The following ROBO1 variants were observed in gnomAD, a reference collection of about 807,000 sequenced individuals.
The protein encoded by ROBO1 is roundabout guidance receptor 1.
ROBO1 carries 149 observed loss-of-function variants against 195.9 expected under a neutral mutation model. That is an observed-to-expected ratio of 0.76 (90% CI 0.67 to 0.87). The LOEUF is 0.87. ROBO1 is among the 40% of genes least tolerant of loss of function. The pLI is 0.00. For missense variants in ROBO1, 1,933 were observed against 2,068.3 expected (o/e 0.93, Z 1.27); for synonymous variants, 816 against 733.2 (o/e 1.11, Z -1.82).
In ROBO1 at chr3:78,617,817, G is replaced by C. The variant is rs1575783289; in HGVS notation, c.4100C>G (p.Thr1367Arg). Residue 1367 changes from threonine (T) to arginine (R), a missense_variant, in exon 27 of 31, where the codon ACG (threonine) becomes AGG (arginine). Coordinates refer to ENST00000464233, the MANE Select transcript of ROBO1 (RefSeq NM_002941.4). ...SSVGDLESSV[T>R]GSMINGWGSA... ...GCCCCAGCCGTTGATCATGGACCCC[G>C]TGACAGAGCTCTCCAGGTCCCCAAC... 6.2e-7 allele frequency: 1 copy of C among 1,613,762 alleles called. No individual in the cohort carries two copies.
At chr3:79,518,050 A>T (rs555038349) in intron 2 of ROBO1, among the ~76,000 whole-genome samples, 1 of 152,284 alleles carries the variant, frequency 6.6e-6, no homozygotes, top group Non-Finnish European at 1.5e-5. Flanking sequence ...TGGAGCTTGC[A>T]TTGCTGTCTG....
intron 2 of ROBO1, among the ~76,000 whole-genome samples, chr3:79,256,099 TTGAC>T (rs2082828414): frequency 6.6e-6 from 1 of 152,214 alleles, no homozygotes; most frequent in Admixed American, 6.5e-5. Context: ...TTTTGTTTGT[TTGAC>T]TGGCTTTTTC....
At chr3:78,679,103 A>G (rs1306889833) in intron 10 of ROBO1, among the ~76,000 whole-genome samples, 1 of 152,218 alleles carries the variant, frequency 6.6e-6, no homozygotes, top group African/African-American at 2.4e-5. Context: ...GATGCAGAAA[A>G]GACCTTTGAC....
rs4563375 is a variant in ROBO1 at position 79,403,354 on chromosome 3, A to G, written c.88+186470T>C. ...AAAGTGTTAAACAAATTCAAAGAAA[A>G]AAAGTGGCTACTTGGGCAGGGATTT... On this transcript the variant is annotated intron_variant, in intron 2 of 30. Coordinates refer to ENST00000464233, the MANE Select transcript of ROBO1 (RefSeq NM_002941.4). Among the ~76,000 whole-genome samples the G allele has an allele frequency of 8.5e-5, 13 of 152,168 alleles. No individual in the cohort carries two copies. In the East Asian group the frequency reaches 2.5e-3, roughly 29 times the overall value.
Position 79,593,783 on chromosome 3 carries a change from T to A in ROBO1, c.-50-3822A>T, listed in dbSNP as rs188108028. On this transcript the variant is annotated intron_variant, in intron 1 of 30. Coordinates refer to ENST00000464233, the MANE Select transcript of ROBO1 (RefSeq NM_002941.4). Reference sequence around the variant, plus strand: ...GTACCACAACGCCTGGCTAATTTTTTAAATATTTTTTTTGGTAGAGACAGG... The same window carrying A: ...GTACCACAACGCCTGGCTAATTTTTAAAATATTTTTTTTGGTAGAGACAGG... Among the ~76,000 whole-genome samples, 136 of 151,904 alleles carry A rather than the reference T, an allele frequency of 9.0e-4. 2 individuals carry two copies. The highest frequency in any genetic ancestry group is 2.4e-3 in the Admixed American group (37 of 15,216).
intron 3 of ROBO1, among the ~76,000 whole-genome samples, chr3:78,974,366 T>C (rs1475134255): frequency 4.6e-5 from 7 of 152,144 alleles, no homozygotes; most frequent in Admixed American, 2.0e-4. Flanking sequence ...ACACTTTTCT[T>C]GATGGAATGT....
At chr3:79,271,620 A>G (rs778103277) in intron 2 of ROBO1, among the ~76,000 whole-genome samples, 16 of 152,056 alleles carry the variant, frequency 1.1e-4, no homozygotes, top group Non-Finnish European at 2.9e-5. Context: ...ACTGTCTCCT[A>G]TATACAGTCT....
chr3:79,199,175 A>G (rs765508499), intron 2 of ROBO1, among the ~76,000 whole-genome samples: 5 of 151,840 alleles, frequency 3.3e-5, no homozygotes, highest in Non-Finnish European at 7.4e-5. Flanking sequence ...TAAATGAAGT[A>G]GTCCTTGAAT....
At chr3:78,783,553 T>G (rs2083744837) in intron 4 of ROBO1, among the ~76,000 whole-genome samples, 1 of 152,206 alleles carries the variant, frequency 6.6e-6, no homozygotes, top group Non-Finnish European at 1.5e-5. Context: ...GCTATTTTAA[T>G]CAAAGATTAA....
At chr3:78,642,991 T>C (rs912546761) in intron 21 of ROBO1, among the ~76,000 whole-genome samples, 20 of 152,140 alleles carry the variant, frequency 1.3e-4, no homozygotes, top group African/African-American at 4.6e-4. Context: ...GTGACATCTA[T>C]CAAAAATTAA....
intron 3 of ROBO1, among the ~76,000 whole-genome samples, chr3:78,993,211 T>C (rs1031237088): frequency 6.6e-6 from 1 of 152,166 alleles, no homozygotes; most frequent in Non-Finnish European, 1.5e-5. Flanking sequence ...TGTGGGTGGA[T>C]GGATATGATA....
chr3:79,120,719 G>C (rs963674667), intron 3 of ROBO1, among the ~76,000 whole-genome samples: 1 of 151,982 alleles, frequency 6.6e-6, no homozygotes, highest in African/African-American at 2.4e-5. Flanking sequence ...TGAGCATCTA[G>C]AATGTTAAAA....
At chr3:79,242,599 C>G (rs1035175717) in intron 2 of ROBO1, among the ~76,000 whole-genome samples, 2 of 152,150 alleles carry the variant, frequency 1.3e-5, no homozygotes, top group Non-Finnish European at 2.9e-5. Context: ...GCAATGGATG[C>G]TTTAAACTTC....
At position 79,391,060 on chromosome 3, in the gene ROBO1, C is replaced by T. The variant is rs548131853; in HGVS notation, c.88+198764G>A. ...CTGTAATCCCAGCACTTTGGGAAGC[C>T]GAGGCTATGAGAAGATTCCTTGAGT... is the stretch of plus-strand genomic sequence containing the variant. On this transcript the variant is annotated intron_variant, in intron 2 of 30. Transcript: ENST00000464233. Among the ~76,000 whole-genome samples the T allele has an allele frequency of 1.2e-4, 18 of 149,744 alleles. No individual in the cohort carries two copies. The East Asian group carries it at 1.8e-3, about 15-fold the overall frequency.
At chr3:78,955,250 G>T (rs577840376) in intron 3 of ROBO1, among the ~76,000 whole-genome samples, 1 of 151,094 alleles carries the variant, frequency 6.6e-6, no homozygotes, top group Admixed American at 6.6e-5. Context: ...GTGTGTCATG[G>T]GGGTTATACA....
intron 2 of ROBO1, among the ~76,000 whole-genome samples, chr3:79,275,679 A>G (rs1381877726): frequency 6.6e-6 from 1 of 151,972 alleles, no homozygotes; most frequent in East Asian, 1.9e-4. Flanking sequence ...CTGGAAAGGA[A>G]GAAGTCAAAT....
In ROBO1 at chr3:78,685,754, A is replaced by G; in HGVS notation, c.1334T>C (p.Val445Ala). The G allele has an allele frequency of 6.2e-7, 1 of 1,602,782 alleles. No individual in the cohort carries two copies. Among genetic ancestry groups the G allele is most frequent in the Non-Finnish European group, 8.5e-7 (1 of 1,172,314 alleles). ...GSIITKAYLE[V>A]TDVIADRPPP... Reference sequence around the variant, plus strand: ...AATGTTTTACACTTTACCATCTGTAACTTCCAAATATGCCTTTGTGATGAT... The same window carrying G: ...AATGTTTTACACTTTACCATCTGTAGCTTCCAAATATGCCTTTGTGATGAT... The change falls in exon 10 of 31, where the codon GTT becomes GCT. Residue 445 changes from valine to alanine, a missense_variant. Coordinates refer to ENST00000464233, the MANE Select transcript of ROBO1 (RefSeq NM_002941.4).
intron 4 of ROBO1, among the ~76,000 whole-genome samples, chr3:78,788,079 A>G (rs2083896957): frequency 1.3e-5 from 2 of 151,308 alleles, no homozygotes; most frequent in Admixed American, 6.6e-5. Context: ...AGCTGGGACT[A>G]CAGGCGCCTG....
intron 2 of ROBO1, among the ~76,000 whole-genome samples, chr3:79,567,464 T>C (rs1943126798): frequency 6.6e-6 from 1 of 152,188 alleles, no homozygotes; most frequent in African/African-American, 2.4e-5. Flanking sequence ...GCAGATAGCA[T>C]TCCATGTTAC....
Sources: gnomAD v4.1 joint callset for allele counts (sites outside exome capture counted in the v4.1 genomes callset) on GRCh38, gnomAD v4.1.1 for gene constraint, MANE v1.5 for transcripts, NCBI Gene and HGNC (gene_info 2026-07-23, HGNC 2026-07-21) for gene names.